TTC39B: variants seen among roughly 807,000 people sequenced by gnomAD.
TTC39B encodes tetratricopeptide repeat domain 39B.
Under a neutral mutation model 96.6 loss-of-function variants are expected in TTC39B, and 92 were observed. The observed-to-expected ratio is 0.95, with a 90% confidence interval of 0.80 to 1.13. The LOEUF is 1.13. Among genes scored for constraint, TTC39B ranks in the 50% most tolerant of loss-of-function variants. The probability of loss-of-function intolerance (pLI) is 0.00; values close to 1 mark genes in which losing one functional copy is unlikely to be tolerated. For missense variants in TTC39B, 955 were observed against 809.3 expected (o/e 1.18, Z -2.18); for synonymous variants, 367 against 299.4 (o/e 1.23, Z -2.33).
intron 1 of TTC39B, among the ~76,000 whole-genome samples, chr9:15,281,804 G>T (rs1449506751): frequency 2.6e-5 from 4 of 151,990 alleles, no homozygotes; most frequent in African/African-American, 9.7e-5. Flanking sequence ...GCTTCCCTGA[G>T]TAGCAGGGAC....
chr9:15,177,905 T>A, intron 17 of TTC39B, 91 bp from the exon 18 acceptor site: 4 of 785,662 alleles, frequency 5.1e-6, no homozygotes, highest in Non-Finnish European at 7.5e-6. Context: ...ACTCTCGCTC[T>A]CTCACCCAGG....
In TTC39B at chr9:15,187,150, AATC is replaced by A. The variant is rs1365093263; in HGVS notation, c.1396-118_1396-116del. 7 of 681,190 alleles carry A rather than the reference AATC, an allele frequency of 1.0e-5. No individual in the cohort carries two copies. In the African/African-American group the frequency reaches 1.3e-4, roughly 12 times the overall value. 42.2% of individuals were successfully genotyped at this position (681,190 alleles called of 1,614,324 possible). On this transcript the variant is annotated intron_variant, in intron 14 of 19. Coordinates refer to ENST00000512701, the Ensembl canonical transcript of TTC39B. ...GATATAAAATTAGAGGCATTAAAGA[AATC>A]AGAGGAAATGAAATCTTATATTCCC...
chr9:15,189,834 G>A, intron 11 of TTC39B, 42 bp from the exon 12 acceptor site: 4 of 1,393,126 alleles, frequency 2.9e-6, no homozygotes, highest in East Asian at 2.4e-5. Flanking sequence ...CATAAGACAT[G>A]GGGATATTTA....
Position 15,177,720 on chromosome 9 carries a change from T to C in TTC39B, c.1818A>G (p.Leu606=), listed in dbSNP as rs77494837. ...ACCTTTCCACAACATGATTGTAACA[T>C]AGTTCAGCTTGCAAGGGCCGCTGTA... The change falls in exon 18 of 20, where the codon CTA becomes CTG. Residue 606 remains leucine, a synonymous_variant. Coordinates refer to ENST00000512701, the Ensembl canonical transcript of TTC39B. The C allele has an allele frequency of 2.7e-3, 4,382 of 1,613,138 alleles. 96 individuals carry two copies. The African/African-American group carries it at 0.051, about 19-fold the overall frequency.
At chr9:15,251,729 ATATATATGTAG>A (rs1417690438) in intron 2 of TTC39B, among the ~76,000 whole-genome samples, 7 of 127,636 alleles carry the variant, frequency 5.5e-5, no homozygotes, top group African/African-American at 2.4e-4. Context: ...ATATATATAT[ATATATATGTAG>A]TATATATGGA....
intron 1 of TTC39B, among the ~76,000 whole-genome samples, chr9:15,289,878 T>A (rs1357008665): frequency 2.0e-5 from 3 of 152,304 alleles, no homozygotes; most frequent in Non-Finnish European, 1.5e-5. Flanking sequence ...TCTGCTTTCT[T>A]GCAAGTGGAA....
intron 14 of TTC39B, among the ~76,000 whole-genome samples, chr9:15,187,633 T>C (rs1818604752): frequency 6.6e-6 from 1 of 152,216 alleles, no homozygotes. Context: ...CTAATGTTTT[T>C]ATTTTTTGCA....
At chr9:15,174,446 A>G (rs1218412912) in intron 19 of TTC39B, among the ~76,000 whole-genome samples, 1 of 152,176 alleles carries the variant, frequency 6.6e-6, no homozygotes, top group Non-Finnish European at 1.5e-5. Context: ...TCTAAAAGCT[A>G]TTGTCTACCA....
At chr9:15,204,388 G>A (rs998181724) in intron 6 of TTC39B, among the ~76,000 whole-genome samples, 1 of 152,032 alleles carries the variant, frequency 6.6e-6, no homozygotes, top group African/African-American at 2.4e-5. Flanking sequence ...AATTAGCCAG[G>A]CGTGGTGGCA....
chr9:15,285,090 T>C (rs1198548216), intron 1 of TTC39B, among the ~76,000 whole-genome samples: 2 of 151,786 alleles, frequency 1.3e-5, no homozygotes, highest in African/African-American at 4.8e-5. Flanking sequence ...TGAAACCCCG[T>C]CTCTACTCAA....
At chr9:15,259,708 T>C (rs1401077708) in intron 2 of TTC39B, among the ~76,000 whole-genome samples, 1 of 152,216 alleles carries the variant, frequency 6.6e-6, no homozygotes, top group African/African-American at 2.4e-5. Flanking sequence ...TGTCAGGGTA[T>C]CCAATGCATT....
intron 10 of TTC39B, 133 bp from the exon 11 acceptor site, chr9:15,190,795 G>C: frequency 6.8e-6 from 5 of 735,920 alleles, no homozygotes; most frequent in South Asian, 5.3e-5. Context: ...TGAAGTCTGG[G>C]CTTTTAGTGT....
At chr9:15,167,003 TATATATATATATATATA>T (rs1396378806) in exon 20 of TTC39B, 157 of 8,466 alleles carry the variant, frequency 0.019, 17 homozygotes, top group African/African-American at 0.043. Flanking sequence ...TATATATATA[TATATATATATATATATA>T]TATATATATT....
At chr9:15,184,031 G>C (rs1010822757) in intron 16 of TTC39B, among the ~76,000 whole-genome samples, 15 of 152,008 alleles carry the variant, frequency 9.9e-5, no homozygotes, top group Admixed American at 9.2e-4. Context: ...TGTATAAAAG[G>C]CTCCCATAAG....
intron 1 of TTC39B, among the ~76,000 whole-genome samples, chr9:15,300,493 C>G (rs1443137744): frequency 6.6e-6 from 1 of 152,190 alleles, no homozygotes; most frequent in Non-Finnish European, 1.5e-5. Flanking sequence ...TTGCAACAGC[C>G]TTTTGTCCTC....
At chr9:15,182,223 T>C (rs1588850570) in intron 17 of TTC39B, 84 bp downstream of exon 17, 2 of 805,960 alleles carry the variant, frequency 2.5e-6, no homozygotes, top group African/African-American at 1.8e-5. Context: ...CAAATTAATG[T>C]TGGCAGATGT....
At chr9:15,300,571 TACA>T (rs905070492) in intron 1 of TTC39B, among the ~76,000 whole-genome samples, 3 of 152,148 alleles carry the variant, frequency 2.0e-5, no homozygotes, top group Admixed American at 2.0e-4. Context: ...TCAGCAATCT[TACA>T]ACAATTGCCT....
intron 1 of TTC39B, among the ~76,000 whole-genome samples, chr9:15,283,719 G>A (rs1445281684): frequency 1.3e-5 from 2 of 152,156 alleles, no homozygotes; most frequent in Non-Finnish European, 2.9e-5. Flanking sequence ...TACAGACAGG[G>A]ATTCCTGTGC....
Position 15,237,002 on chromosome 9 carries a change from CAA to C in TTC39B, c.276-10992_276-10991del, listed in dbSNP as rs369273863. On this transcript the variant is annotated intron_variant, in intron 2 of 19. Coordinates refer to ENST00000512701, the Ensembl canonical transcript of TTC39B. Reference sequence around the variant, plus strand: ...AGAACAAAACTAAATGAGATTGAGACAAAAAAAAAAAGGCAAGGACTCAATAA... The same window carrying C: ...AGAACAAAACTAAATGAGATTGAGACAAAAAAAAAGGCAAGGACTCAATAA... Among the ~76,000 whole-genome samples the C allele has an allele frequency of 2.8e-3, 393 of 142,058 alleles. 1 individual carries two copies. Among genetic ancestry groups the C allele is most frequent in the African/African-American group, 9.4e-3 (371 of 39,398 alleles). 93.2% of individuals were successfully genotyped at this position (142,058 alleles called of 152,430 possible).
Sources: gnomAD v4.1 joint callset for allele counts (sites outside exome capture counted in the v4.1 genomes callset) on GRCh38, gnomAD v4.1.1 for gene constraint, MANE v1.5 for transcripts, NCBI Gene and HGNC (gene_info 2026-07-23, HGNC 2026-07-21) for gene names.